Variants in ADAMTSL1 observed in about 807,000 individuals in gnomAD.
ADAMTSL1 encodes the protein ADAMTS-like protein 1.
In ADAMTSL1, 126 loss-of-function variants were observed where a neutral mutation model predicts 201.8. That is an observed-to-expected ratio of 0.62 (90% confidence interval 0.54 to 0.72). The LOEUF is 0.72. ADAMTSL1 is among the 30% of genes least tolerant of loss of function. The pLI is 0.00. For synonymous variants in ADAMTSL1, 1,121 were observed against 903.4 expected (o/e 1.24, Z -4.32); for missense variants, 2,679 against 2,277.8 (o/e 1.18, Z -3.59).
intron 1 of ADAMTSL1, among the ~76,000 whole-genome samples, chr9:18,076,032 G>A (rs1823208005): frequency 1.3e-5 from 2 of 152,166 alleles, no homozygotes; most frequent in African/African-American, 4.8e-5. Context: ...ATGAATCCCT[G>A]ATTCAAGAAT....
intron 2 of ADAMTSL1, among the ~76,000 whole-genome samples, chr9:18,374,295 CA>C (rs1837185469): frequency 6.6e-6 from 1 of 151,650 alleles, no homozygotes; most frequent in South Asian, 2.1e-4. Context: ...TATGCATTGA[CA>C]GATATTTTAT....
At chr9:18,882,759 TGAG>T (rs1202074970) in intron 23 of ADAMTSL1, among the ~76,000 whole-genome samples, 1 of 151,966 alleles carries the variant, frequency 6.6e-6, no homozygotes, top group Non-Finnish European at 1.5e-5. Flanking sequence ...TTTGGGAAGC[TGAG>T]GAGGGAGGAT....
chr9:18,474,277 T>A lies in ADAMTSL1; in HGVS notation c.45T>A (p.Phe15Leu). The part of the protein sequence containing the change: ...RRATPGTLLL[F>L]LAFLLLSSRT... Reference sequence around the variant, plus strand: ...CAACTCCTGGCACACTGCTCCTCTTTCTGGCTTTCCTGCTCCTGGTAAATG... The same window carrying A: ...CAACTCCTGGCACACTGCTCCTCTTACTGGCTTTCCTGCTCCTGGTAAATG... The change falls in exon 1 of 29, where the codon TTT (phenylalanine) becomes TTA (leucine). Residue 15 changes from phenylalanine to leucine, a missense_variant. By Grantham distance (22) the Phe-to-Leu change is conservative. Coordinates refer to ENST00000380548, the MANE Select transcript of ADAMTSL1 (RefSeq NM_001040272.6). The A allele has an allele frequency of 6.2e-7, 1 of 1,614,178 alleles. No homozygotes were observed. Among genetic ancestry groups the A allele is most frequent in the Non-Finnish European group, 8.5e-7 (1 of 1,180,018 alleles).
At chr9:18,287,517 A>C (rs1833043524) in intron 2 of ADAMTSL1, among the ~76,000 whole-genome samples, 1 of 151,476 alleles carries the variant, frequency 6.6e-6, no homozygotes, top group South Asian at 2.1e-4. Context: ...CACATATGTA[A>C]TATATTTACA....
At chr9:18,524,944 T>C (rs555766591) in intron 2 of ADAMTSL1, among the ~76,000 whole-genome samples, 1 of 152,358 alleles carries the variant, frequency 6.6e-6, no homozygotes, top group South Asian at 2.1e-4. Flanking sequence ...ATCAGGATGA[T>C]GCTGGCCTCA....
chr9:17,919,942 T>G (rs963207597), intron 1 of ADAMTSL1, among the ~76,000 whole-genome samples: 8 of 152,102 alleles, frequency 5.3e-5, no homozygotes, highest in African/African-American at 1.7e-4. Flanking sequence ...CCATCAGCAG[T>G]GTATGAAGGT....
intron 10 of ADAMTSL1, among the ~76,000 whole-genome samples, chr9:18,677,290 ATAGC>A (rs1830183857): frequency 1.3e-5 from 2 of 152,044 alleles, no homozygotes; most frequent in Non-Finnish European, 2.9e-5. Context: ...AAGACAATAA[ATAGC>A]TTTAGAATGT....
intron 1 of ADAMTSL1, among the ~76,000 whole-genome samples, chr9:18,501,734 G>T (rs1449375771): frequency 6.6e-6 from 1 of 152,110 alleles, no homozygotes; most frequent in Admixed American, 6.5e-5. Context: ...CATTAAACAT[G>T]GATTCCATTG....
intron 2 of ADAMTSL1, among the ~76,000 whole-genome samples, chr9:18,400,389 C>A (rs114279486): frequency 0.025 from 3,756 of 152,158 alleles, 143 homozygotes; most frequent in African/African-American, 0.084. Flanking sequence ...TTTCTTTTAA[C>A]TTCGGTACTC....
chr9:18,417,294 A>C (rs567489120), intron 2 of ADAMTSL1, among the ~76,000 whole-genome samples: 1 of 151,336 alleles, frequency 6.6e-6, no homozygotes, highest in African/African-American at 2.4e-5. Flanking sequence ...AAAGGTCTTC[A>C]TACAATGACC....
intron 2 of ADAMTSL1, among the ~76,000 whole-genome samples, chr9:18,300,211 G>C (rs988715700): frequency 6.6e-6 from 1 of 152,038 alleles, no homozygotes; most frequent in African/African-American, 2.4e-5. Flanking sequence ...GGAACCAACC[G>C]AAATGTCCAT....
At chr9:18,316,036 A>G (rs918262713) in intron 2 of ADAMTSL1, among the ~76,000 whole-genome samples, 12 of 152,310 alleles carry the variant, frequency 7.9e-5, no homozygotes, top group African/African-American at 2.4e-4. Flanking sequence ...GTCGGGGGAG[A>G]CATCACATGT....
chr9:17,947,561 A>C (rs1827552398), intron 1 of ADAMTSL1, among the ~76,000 whole-genome samples: 1 of 152,138 alleles, frequency 6.6e-6, no homozygotes, highest in Admixed American at 6.6e-5. Context: ...TTTTAAACTG[A>C]ATTTGCAATT....
chr9:18,209,855 A>G (rs1829797680), intron 2 of ADAMTSL1, among the ~76,000 whole-genome samples: 1 of 152,102 alleles, frequency 6.6e-6, no homozygotes, highest in Non-Finnish European at 1.5e-5. Flanking sequence ...GCTTGCCTGT[A>G]GACAGTGAAA....
At chr9:17,979,024 C>T (rs544424777) in intron 1 of ADAMTSL1, among the ~76,000 whole-genome samples, 1 of 150,894 alleles carries the variant, frequency 6.6e-6, no homozygotes, top group Admixed American at 6.6e-5. Flanking sequence ...TGCAAATTTT[C>T]TGCTCAGACA....
At chr9:18,709,652 G>A (rs959808534) in intron 14 of ADAMTSL1, among the ~76,000 whole-genome samples, 2 of 152,130 alleles carry the variant, frequency 1.3e-5, no homozygotes, top group African/African-American at 2.4e-5. Flanking sequence ...CTGGAAGATC[G>A]AACGCAAGCC....
At chr9:18,654,752 C>T (rs1828517150) in intron 7 of ADAMTSL1, among the ~76,000 whole-genome samples, 2 of 152,220 alleles carry the variant, frequency 1.3e-5, no homozygotes, top group African/African-American at 4.8e-5. Flanking sequence ...AAAATTGAGT[C>T]TAGTAGACTG....
Position 18,212,869 on chromosome 9 carries a change from A to T in ADAMTSL1, c.207+48888A>T, listed in dbSNP as rs61439119. ...CACAAATTTTTTCCCCACAATGGTC[A>T]TAAGATTGTAAAGATTTGGGAGAGA... is the stretch of plus-strand genomic sequence containing the variant. On this transcript the variant is annotated intron_variant, in intron 2 of 29. Transcript: ENST00000680146. Among the ~76,000 whole-genome samples, 1,297 of 152,278 alleles carry T rather than the reference A, an allele frequency of 8.5e-3. 19 individuals carry two copies. Among genetic ancestry groups the T allele is most frequent in the African/African-American group, 0.029 (1,208 of 41,548 alleles).
intron 13 of ADAMTSL1, among the ~76,000 whole-genome samples, chr9:18,686,887 T>C (rs1291646051): frequency 1.3e-5 from 2 of 152,224 alleles, no homozygotes; most frequent in African/African-American, 4.8e-5. Context: ...AAAGATCCGA[T>C]TAAGATGCAT....
Sources: allele counts gnomAD v4.1 joint callset (sites outside exome capture counted in the v4.1 genomes callset), GRCh38; gene constraint gnomAD v4.1.1; transcripts MANE v1.5; gene names NCBI Gene and HGNC (gene_info 2026-07-23, HGNC 2026-07-21).